Variants in CDH12 observed in about 807,000 individuals in gnomAD.
CDH12 encodes the protein cadherin-12.
Under a neutral mutation model 74.1 loss-of-function variants are expected in CDH12, and 41 were observed. The ratio of observed to expected loss-of-function variants is 0.55; its 90% CI spans 0.43 to 0.72. The LOEUF (loss-of-function observed/expected upper bound fraction) is 0.72. Among genes scored for constraint, CDH12 ranks in the 30% least tolerant of loss-of-function variants. The pLI is 0.00. For synonymous variants in CDH12, 399 were observed against 355.0 expected (o/e 1.12, Z -1.39); for missense variants, 945 against 977.2 (o/e 0.97, Z 0.44).
At chr5:21,755,396 G>A (rs550797610) in intron 14 of CDH12, among the ~76,000 whole-genome samples, 195 bp downstream of exon 14, 25 of 151,970 alleles carry the variant, frequency 1.6e-4, no homozygotes, top group Non-Finnish European at 3.1e-4. Flanking sequence ...ATATATCCAA[G>A]AAGTATGAAA....
intron 1 of CDH12, among the ~76,000 whole-genome samples, chr5:22,783,109 A>G (rs149603264): frequency 3.3e-4 from 50 of 152,304 alleles, no homozygotes; most frequent in African/African-American, 1.1e-3. Flanking sequence ...GGTAATTTCA[A>G]TATCATATGA....
intron 1 of CDH12, among the ~76,000 whole-genome samples, chr5:22,807,129 C>G (rs1414514185): frequency 1.3e-5 from 2 of 151,922 alleles, no homozygotes; most frequent in Non-Finnish European, 2.9e-5. Context: ...ATGTAAGATG[C>G]TAAAGTAGAT....
intron 1 of CDH12, among the ~76,000 whole-genome samples, chr5:22,627,527 T>C (rs1218032000): frequency 1.3e-5 from 2 of 151,940 alleles, no homozygotes; most frequent in African/African-American, 4.8e-5. Flanking sequence ...ATAAGATCCT[T>C]TACAGACAAG....
chr5:22,694,117 T>G (rs1353796370), intron 1 of CDH12, among the ~76,000 whole-genome samples: 1 of 152,086 alleles, frequency 6.6e-6, no homozygotes, highest in Admixed American at 6.6e-5. Context: ...TTTAAATTTT[T>G]TTTGTAGAGA....
chr5:22,496,019 C>T (rs1197692984), intron 2 of CDH12, among the ~76,000 whole-genome samples: 2 of 152,136 alleles, frequency 1.3e-5, no homozygotes, highest in Non-Finnish European at 2.9e-5. Context: ...CTACATAATC[C>T]TTATAAACAA....
chr5:22,099,571 T>C (rs1312176069), intron 4 of CDH12, among the ~76,000 whole-genome samples: 1 of 152,036 alleles, frequency 6.6e-6, no homozygotes, highest in African/African-American at 2.4e-5. Context: ...CCAAGAAACT[T>C]GTCATCCCTA....
intron 4 of CDH12, among the ~76,000 whole-genome samples, chr5:22,097,086 T>C (rs1247154341): frequency 1.3e-5 from 2 of 152,152 alleles, no homozygotes; most frequent in African/African-American, 4.8e-5. Flanking sequence ...CAGAGTTTCC[T>C]CCAGAACCTC....
intron 1 of CDH12, among the ~76,000 whole-genome samples, chr5:22,672,881 T>C (rs913007848): frequency 2.6e-5 from 4 of 152,200 alleles, no homozygotes; most frequent in Non-Finnish European, 5.9e-5. Flanking sequence ...TCTAAATTTA[T>C]TTTCCTAGTT....
chr5:22,294,406 C>A (rs1363356283), intron 3 of CDH12, among the ~76,000 whole-genome samples: 3 of 152,164 alleles, frequency 2.0e-5, no homozygotes, highest in Non-Finnish European at 4.4e-5. Context: ...TGTTACCCCC[C>A]AGACACAGGG....
chr5:21,767,029 AACCAC>A (rs1407540726), intron 11 of CDH12, among the ~76,000 whole-genome samples: 2 of 151,920 alleles, frequency 1.3e-5, no homozygotes, highest in East Asian at 3.8e-4. Context: ...TGAAAAAATA[AACCAC>A]TTTGACAATT....
chr5:22,064,911 T>C (rs1741454826), intron 5 of CDH12, among the ~76,000 whole-genome samples: 1 of 152,062 alleles, frequency 6.6e-6, no homozygotes, highest in Non-Finnish European at 1.5e-5. Flanking sequence ...ACAAGAAAAA[T>C]TGAGTTCCTA....
intron 2 of CDH12, among the ~76,000 whole-genome samples, chr5:22,443,779 C>T (rs547284740): frequency 1.8e-3 from 269 of 152,108 alleles, no homozygotes; most frequent in African/African-American, 6.3e-3. Flanking sequence ...ATTCCAAATT[C>T]TTTTTTGGTT....
chr5:21,897,908 G>A (rs1282805562), intron 6 of CDH12, among the ~76,000 whole-genome samples: 1 of 151,892 alleles, frequency 6.6e-6, no homozygotes, highest in African/African-American at 2.4e-5. Flanking sequence ...AGAACACAAT[G>A]TCATTAAAAT....
chr5:21,794,942 AT>A (rs1746699048), intron 10 of CDH12, among the ~76,000 whole-genome samples: 1 of 151,458 alleles, frequency 6.6e-6, no homozygotes, highest in South Asian at 2.1e-4. Flanking sequence ...AATTACTTTT[AT>A]TTTTCATGGC....
intron 3 of CDH12, among the ~76,000 whole-genome samples, chr5:22,271,214 T>A (rs1736384299): frequency 6.6e-6 from 1 of 152,180 alleles, no homozygotes; most frequent in Non-Finnish European, 1.5e-5. Flanking sequence ...TTCTGTCATC[T>A]CAACATTGTT....
intron 4 of CDH12, among the ~76,000 whole-genome samples, chr5:22,207,470 T>A (rs1751283180): frequency 6.6e-6 from 1 of 152,190 alleles, no homozygotes; most frequent in African/African-American, 2.4e-5. Context: ...TGTGGCTGTA[T>A]TCCAACCAAA....
chr5:21,823,498 A>G (rs1271344081), intron 8 of CDH12, among the ~76,000 whole-genome samples: 1 of 152,124 alleles, frequency 6.6e-6, no homozygotes, highest in Non-Finnish European at 1.5e-5. Context: ...TGATGATGAT[A>G]ATTATCTTCC....
intron 1 of CDH12, among the ~76,000 whole-genome samples, chr5:22,526,747 C>T (rs754534208): frequency 3.0e-4 from 45 of 152,122 alleles, no homozygotes; most frequent in Non-Finnish European, 4.6e-4. Flanking sequence ...CAATAATCTT[C>T]GCAGTCCCTC....
At chr5:22,459,858 T>G (rs1745429964) in intron 2 of CDH12, among the ~76,000 whole-genome samples, 2 of 151,870 alleles carry the variant, frequency 1.3e-5, no homozygotes, top group African/African-American at 2.4e-5. Context: ...CCCAGCTACT[T>G]GGGAGGCTGA....
Sources: allele counts gnomAD v4.1 joint callset (sites outside exome capture counted in the v4.1 genomes callset), GRCh38; gene constraint gnomAD v4.1.1; transcripts MANE v1.5; gene names NCBI Gene and HGNC (gene_info 2026-07-23, HGNC 2026-07-21).